TTC3: variants seen among roughly 807,000 people sequenced by gnomAD.
TTC3 encodes the protein tetratricopeptide repeat domain 3, also known as E3 ubiquitin-protein ligase TTC3.
A neutral mutation model predicts 249.6 loss-of-function variants in TTC3; 180 were observed. The observed-to-expected ratio is 0.72, with a 90% confidence interval of 0.64 to 0.82. TTC3 has a LOEUF of 0.82. TTC3 is among the 40% of genes least tolerant of loss of function. The pLI is 0.00. For synonymous variants in TTC3, 717 were observed against 805.0 expected, an observed-to-expected ratio of 0.89 and a Z score of 1.85; for missense variants, 2,061 against 2,398.4, an observed-to-expected ratio of 0.86 and a Z score of 2.94.
chr21:37,187,424 A>G (rs2083427614), intron 38 of TTC3, among the ~76,000 whole-genome samples: 1 of 152,184 alleles, frequency 6.6e-6, no homozygotes, highest in South Asian at 2.1e-4. Context: ...GCCATTTCCT[A>G]TATTATACAC....
At chr21:37,198,342 C>T (rs2085139353) in intron 44 of TTC3, among the ~76,000 whole-genome samples, 1 of 152,222 alleles carries the variant, frequency 6.6e-6, no homozygotes, top group Admixed American at 6.5e-5. Context: ...AGTACATGAA[C>T]TTTGTACATC....
chr21:37,092,018 G>A (rs2073342347), intron 7 of TTC3, among the ~76,000 whole-genome samples: 1 of 152,192 alleles, frequency 6.6e-6, no homozygotes. Context: ...CCACAACTGG[G>A]TAGTCTCCTT....
At chr21:37,157,740 A>C (rs1294483416) in intron 28 of TTC3, among the ~76,000 whole-genome samples, 1 of 152,202 alleles carries the variant, frequency 6.6e-6, no homozygotes, top group Non-Finnish European at 1.5e-5. Flanking sequence ...CTAGCTAGCT[A>C]GCAGCTAATT....
chr21:37,159,131 C>G (rs2080426927), intron 28 of TTC3, among the ~76,000 whole-genome samples: 1 of 152,222 alleles, frequency 6.6e-6, no homozygotes, highest in African/African-American at 2.4e-5. Context: ...CCACTACTGA[C>G]TGTGCCCAAA....
chr21:37,107,159 A>G (rs964856213), intron 10 of TTC3, among the ~76,000 whole-genome samples: 1 of 151,370 alleles, frequency 6.6e-6, no homozygotes, highest in African/African-American at 2.4e-5. Context: ...CTTCCTTGTA[A>G]TCTCTTTAAG....
chr21:37,181,167 C>T (rs955148442), intron 35 of TTC3, among the ~76,000 whole-genome samples: 3 of 152,170 alleles, frequency 2.0e-5, no homozygotes, highest in Non-Finnish European at 2.9e-5. Context: ...AGAAGATGAA[C>T]TCATGTGGTA....
intron 34 of TTC3, among the ~76,000 whole-genome samples, chr21:37,170,331 A>G (rs1157491587): frequency 6.6e-6 from 1 of 152,240 alleles, no homozygotes; most frequent in Non-Finnish European, 1.5e-5. Context: ...TGAATAGACA[A>G]TTCACAATGA....
At chr21:37,194,230 C>T (rs143796687) in intron 41 of TTC3, among the ~76,000 whole-genome samples, 2,458 of 152,266 alleles carry the variant, frequency 0.016, 28 homozygotes, top group Non-Finnish European at 0.026. Context: ...TCCGTGGTTT[C>T]GGTTATCCGC....
intron 10 of TTC3, among the ~76,000 whole-genome samples, chr21:37,104,690 T>TCCAG (rs2074904380): frequency 6.6e-6 from 1 of 151,998 alleles, no homozygotes; most frequent in Non-Finnish European, 1.5e-5. Context: ...AAAGGAGGGT[T>TCCAG]TGGATGGGAA....
At position 37,119,441 on chromosome 21, in the gene TTC3, C is replaced by T. The variant is rs544204296; in HGVS notation, c.901-2376C>T. 7.2e-5 allele frequency among the ~76,000 whole-genome samples: 11 copies of T among 152,194 alleles called. No homozygotes were observed. The East Asian group carries it at 7.7e-4, about 11-fold the overall frequency. ...GGTTGTTCTTTCCCTGGCTGTGGAC[C>T]GTTGTCCCCCAGGGATGTGCTGATC... On this transcript the variant is annotated intron_variant, in intron 11 of 45. Transcript: ENST00000355666.
At chr21:37,090,335 G>A (rs1415557402) in intron 6 of TTC3, 49 bp downstream of exon 6, 3 of 1,468,460 alleles carry the variant, frequency 2.0e-6, no homozygotes, top group African/African-American at 2.8e-5. Context: ...ATGAGTGGCA[G>A]TCATCTCACT....
intron 30 of TTC3, among the ~76,000 whole-genome samples, chr21:37,161,425 G>A (rs2080738746): frequency 6.6e-6 from 1 of 152,160 alleles, no homozygotes; most frequent in Non-Finnish European, 1.5e-5. Flanking sequence ...ACAGGCGCAT[G>A]CCACCATGCC....
chr21:37,175,763 CT>C (rs1005743355), intron 35 of TTC3, among the ~76,000 whole-genome samples: 7 of 151,646 alleles, frequency 4.6e-5, no homozygotes, highest in African/African-American at 1.7e-4. Context: ...GGAAAAGTGG[CT>C]TTTTAAATTT....
chr21:37,111,847 G>A (rs375278464), intron 11 of TTC3, among the ~76,000 whole-genome samples: 1 of 152,104 alleles, frequency 6.6e-6, no homozygotes, highest in African/African-American at 2.4e-5. Flanking sequence ...ATAACAAACT[G>A]TCTCTCAGAC....
At chr21:37,159,922 C>T (rs1166625129) in intron 29 of TTC3, among the ~76,000 whole-genome samples, 177 bp downstream of exon 29, 4 of 152,270 alleles carry the variant, frequency 2.6e-5, no homozygotes, top group South Asian at 2.1e-4. Context: ...GTTTTCCTCT[C>T]GGAATTGGAG....
chr21:37,144,751 C>T, intron 21 of TTC3, 106 bp downstream of exon 21: 2 of 1,364,844 alleles, frequency 1.5e-6, no homozygotes, highest in Non-Finnish European at 2.0e-6. Flanking sequence ...TCCCCACCTC[C>T]CTTACACGCA....
chr21:37,128,535 T>C (rs1426999451), intron 15 of TTC3, among the ~76,000 whole-genome samples: 1 of 152,210 alleles, frequency 6.6e-6, no homozygotes, highest in Non-Finnish European at 1.5e-5. Flanking sequence ...CGAACACAAA[T>C]GCCATATCCT....
At chr21:37,103,933 G>T (rs1350228678) in intron 10 of TTC3, among the ~76,000 whole-genome samples, 1 of 152,132 alleles carries the variant, frequency 6.6e-6, no homozygotes, top group Non-Finnish European at 1.5e-5. Context: ...ACTGAGGAGA[G>T]AGAGCATGAT....
At chr21:37,118,111 G>C (rs1420353796) in intron 11 of TTC3, among the ~76,000 whole-genome samples, 2 of 95,252 alleles carry the variant, frequency 2.1e-5, no homozygotes, top group African/African-American at 9.3e-5. Context: ...TACATAACTA[G>C]GTTATTTTTC....
Sources: allele counts gnomAD v4.1 joint callset (sites outside exome capture counted in the v4.1 genomes callset), GRCh38; gene constraint gnomAD v4.1.1; transcripts MANE v1.5; gene names NCBI Gene and HGNC (gene_info 2026-07-23, HGNC 2026-07-21).